The following NDRG1 variants were observed in gnomAD, a reference collection of about 807,000 sequenced individuals.
The protein encoded by NDRG1 is N-myc downstream regulated 1.
In NDRG1, 32 loss-of-function variants were observed where a neutral mutation model predicts 56.9. The ratio of observed to expected loss-of-function variants is 0.56; its 90% confidence interval spans 0.42 to 0.76. The LOEUF (loss-of-function observed/expected upper bound fraction) is 0.76. Among genes scored for constraint, NDRG1 ranks in the 30% least tolerant of loss-of-function variants. The pLI, the probability that NDRG1 is intolerant of heterozygous loss-of-function variation, is 0.00. For missense variants in NDRG1, 507 were observed against 545.7 expected, an observed-to-expected ratio of 0.93 and a Z score of 0.71; for synonymous variants, 211 against 204.1, an observed-to-expected ratio of 1.03 and a Z score of -0.29.
At position 133,238,807 on chromosome 8, in the gene NDRG1, G is replaced by A. The variant is rs930774714; in HGVS notation, c.*71C>T. 1.3e-6 allele frequency: 2 copies of A among 1,492,100 alleles called. No individual in the cohort carries two copies. Among genetic ancestry groups the A allele is most frequent in the African/African-American group, 2.8e-5 (2 of 71,768 alleles). 92.4% of individuals were successfully genotyped at this position (1,492,100 alleles called of 1,614,324 possible). A position where few individuals can be genotyped will look rare whatever the true frequency, so the allele number is the denominator to read the frequency against. On this transcript the variant is annotated 3_prime_UTR_variant, in exon 16 of 16. Coordinates refer to ENST00000323851, the MANE Select transcript of NDRG1 (RefSeq NM_006096.4). ...TTAGGCGCAGTATGGCAGGCAGGGGGCGAAAAGGGGCCGGGGAGGAGGGGG... is the reference window on the plus strand; with the variant it reads ...TTAGGCGCAGTATGGCAGGCAGGGGACGAAAAGGGGCCGGGGAGGAGGGGG...
intron 3 of NDRG1, chr8:133,264,994 C>T (rs546346278): frequency 5.4e-6 from 2 of 371,348 alleles, no homozygotes; most frequent in Admixed American, 7.4e-5. Context: ...TGCTTCCTTG[C>T]CCTCAGGCCC....
intron 3 of NDRG1, among the ~76,000 whole-genome samples, chr8:133,265,441 G>A (rs1176760919): frequency 1.3e-5 from 2 of 152,132 alleles, no homozygotes; most frequent in African/African-American, 2.4e-5. Context: ...CCACCACCTG[G>A]GATTTTCAGT....
At chr8:133,255,190 G>A in intron 8 of NDRG1, 1 of 419,188 alleles carries the variant, frequency 2.4e-6, no homozygotes, top group South Asian at 1.7e-5. Flanking sequence ...ATGAGTAGGA[G>A]AGAAGCTCTA....
chr8:133,249,198 C>T, intron 10 of NDRG1: 1 of 294,058 alleles, frequency 3.4e-6, no homozygotes, highest in South Asian at 3.5e-5. Context: ...CCCAAATGAT[C>T]TCTTTAAAAC....
At position 133,238,610 on chromosome 8, in the gene NDRG1, A is replaced by C; in HGVS notation, c.*268T>G. On this transcript the variant is annotated 3_prime_UTR_variant, in exon 16 of 16. Coordinates refer to ENST00000323851, the MANE Select transcript of NDRG1 (RefSeq NM_006096.4). ...CAGTTTGGTGTCTCTGAGGGAGGGGAGGAGAGTGGCAACCGGCCACTGGTT... is the reference window on the plus strand; with the variant it reads ...CAGTTTGGTGTCTCTGAGGGAGGGGCGGAGAGTGGCAACCGGCCACTGGTT... 1.8e-6 allele frequency: 1 copy of C among 544,552 alleles called. No homozygotes were observed. The highest frequency in any genetic ancestry group is 3.3e-6 in the Non-Finnish European group (1 of 306,964). 33.7% of individuals were successfully genotyped at this position (544,552 alleles called of 1,614,324 possible). A position where few individuals can be genotyped will look rare whatever the true frequency, so the allele number is the denominator to read the frequency against.
chr8:133,242,124 C>A, intron 14 of NDRG1, 50 bp from the exon 15 acceptor site: 1 of 1,599,892 alleles, frequency 6.3e-7, no homozygotes, highest in Non-Finnish European at 8.6e-7. Context: ...GGAGCCAGAT[C>A]ACCCGAGGCC....
intron 1 of NDRG1, among the ~76,000 whole-genome samples, chr8:133,286,518 C>CT (rs1858122031): frequency 6.6e-6 from 1 of 152,182 alleles, no homozygotes; most frequent in South Asian, 2.1e-4. Context: ...ATTCCTACAG[C>CT]TTAGCTTCCC....
At chr8:133,286,730 G>T (rs1188657241) in intron 1 of NDRG1, among the ~76,000 whole-genome samples, 5 of 152,158 alleles carry the variant, frequency 3.3e-5, no homozygotes, top group Non-Finnish European at 7.3e-5. Flanking sequence ...TCTCCCAGGG[G>T]ACATTTGGCA....
chr8:133,274,136 C>T (rs1309992553), intron 3 of NDRG1, among the ~76,000 whole-genome samples: 1 of 152,140 alleles, frequency 6.6e-6, no homozygotes, highest in African/African-American at 2.4e-5. Flanking sequence ...CCGAACATCA[C>T]CCAGGACAAA....
chr8:133,284,816 T>A (rs1858013139), intron 1 of NDRG1: 2 of 456,808 alleles, frequency 4.4e-6, no homozygotes, highest in South Asian at 3.1e-5. Flanking sequence ...AGGTTGGTGA[T>A]GCAGACGCAC....
intron 3 of NDRG1, among the ~76,000 whole-genome samples, chr8:133,271,581 G>A (rs1043388760): frequency 2.6e-5 from 4 of 151,926 alleles, no homozygotes; most frequent in Non-Finnish European, 5.9e-5. Context: ...CTTTGAGTTT[G>A]AGACCAGCAT....
rs1192544988 is a variant in NDRG1 at position 133,237,365 on chromosome 8, A to T, written c.*1513T>A. 5 of 232,160 alleles carry T rather than the reference A, an allele frequency of 2.2e-5. No individual in the cohort carries two copies. The East Asian group carries it at 3.0e-4, about 14-fold the overall frequency. 14.4% of individuals were successfully genotyped at this position (232,160 alleles called of 1,614,324 possible). A position where few individuals can be genotyped will look rare whatever the true frequency, so the allele number is the denominator to read the frequency against. ...GGCAGGTAACGAGTCATTGCCTCTCACGCCACCTGGAAGGCTGGACTACTT... is the reference window on the plus strand; with the variant it reads ...GGCAGGTAACGAGTCATTGCCTCTCTCGCCACCTGGAAGGCTGGACTACTT... On this transcript the variant is annotated 3_prime_UTR_variant, in exon 16 of 16. Transcript: ENST00000323851.
intron 3 of NDRG1, among the ~76,000 whole-genome samples, chr8:133,274,847 G>A (rs1443007115): frequency 1.3e-5 from 2 of 152,160 alleles, no homozygotes; most frequent in Admixed American, 1.3e-4. Flanking sequence ...TGCCGCCCCT[G>A]GGAAAGCCTC....
chr8:133,256,370 T>G, intron 8 of NDRG1: 1 of 209,822 alleles, frequency 4.8e-6, no homozygotes, highest in Non-Finnish European at 9.7e-6. Context: ...TAATAATATG[T>G]GAATGGATTC....
At chr8:133,271,776 TC>T (rs1461981922) in intron 3 of NDRG1, among the ~76,000 whole-genome samples, 2 of 69,592 alleles carry the variant, frequency 2.9e-5, no homozygotes, top group Admixed American at 4.4e-4. Flanking sequence ...GGAGACCCTG[TC>T]TAAAAAAAAA....
rs965750300 is a variant in NDRG1, at chr8:133,238,437, C to T, written c.*441G>A. 2.0e-5 allele frequency: 5 copies of T among 255,060 alleles called. No homozygotes were observed. Among genetic ancestry groups the T allele is most frequent in the East Asian group, 5.8e-5 (1 of 17,142 alleles). The allele number at this position is 255,060 out of a possible 1,614,324, so 15.8% of individuals were successfully genotyped here. Reference sequence around the variant, plus strand: ...CCAAATGAGAAAAGGATTTTGTTTCCGGAAACTGGATCAGCTTCTCCTCAG... The same window carrying T: ...CCAAATGAGAAAAGGATTTTGTTTCTGGAAACTGGATCAGCTTCTCCTCAG... On this transcript the variant is annotated 3_prime_UTR_variant, in exon 16 of 16. Transcript: ENST00000323851.
chr8:133,258,237 A>G, intron 7 of NDRG1, 129 bp downstream of exon 7: 2 of 927,370 alleles, frequency 2.2e-6, no homozygotes, highest in East Asian at 5.3e-5. Flanking sequence ...ACACACACAC[A>G]CACACACAAC....
At chr8:133,278,661 CT>C (rs1234739512) in intron 3 of NDRG1, among the ~76,000 whole-genome samples, 1 of 152,120 alleles carries the variant, frequency 6.6e-6, no homozygotes, top group African/African-American at 2.4e-5. Flanking sequence ...AATGGTGCCT[CT>C]CCTGTTATCA....
At chr8:133,270,081 G>A (rs1857117219) in intron 3 of NDRG1, among the ~76,000 whole-genome samples, 1 of 152,216 alleles carries the variant, frequency 6.6e-6, no homozygotes, top group South Asian at 2.1e-4. Flanking sequence ...TGTAACAGCT[G>A]CCTCCCCAGC....
Sources: allele counts gnomAD v4.1 joint callset (sites outside exome capture counted in the v4.1 genomes callset), GRCh38; gene constraint gnomAD v4.1.1; transcripts MANE v1.5; gene names NCBI Gene and HGNC (gene_info 2026-07-23, HGNC 2026-07-21).